The following NBAS variants were observed in gnomAD, a reference collection of about 807,000 sequenced individuals.
NBAS encodes NBAS subunit of NRZ tethering complex, also known as NAG/BC035112 fusion.
In NBAS, 219 loss-of-function variants were observed where a neutral mutation model predicts 302.5. That is an observed-to-expected ratio of 0.72 (90% confidence interval 0.65 to 0.81). The LOEUF is 0.81. Ranked by LOEUF, NBAS falls within the 30% of genes least tolerant of loss-of-function variation. NBAS has a pLI of 0.00. For synonymous variants in NBAS, 1,118 were observed against 1,021.6 expected, an observed-to-expected ratio of 1.09 and a Z score of -1.80; for missense variants, 2,932 against 2,841.6, an observed-to-expected ratio of 1.03 and a Z score of -0.72.
At chr2:15,538,157 A>C (rs1394468445) in intron 7 of NBAS, among the ~76,000 whole-genome samples, 6 of 152,146 alleles carry the variant, frequency 3.9e-5, no homozygotes, top group Non-Finnish European at 8.8e-5. Context: ...CCTGTTTCTT[A>C]TTTTAGCTTC....
At chr2:15,494,710 T>C (rs977694489) in intron 11 of NBAS, among the ~76,000 whole-genome samples, 2 of 152,152 alleles carry the variant, frequency 1.3e-5, no homozygotes, top group African/African-American at 2.4e-5. Flanking sequence ...TAAAGAGTGA[T>C]GTTCCCAAAA....
chr2:14,980,281 C>T, the NBAS span, among the ~76,000 whole-genome samples: 1 of 152,240 alleles, frequency 6.6e-6, no homozygotes. Flanking sequence ...CCATGCAACT[C>T]CCACGAGAAA....
chr2:14,860,281 C>T, the NBAS span, among the ~76,000 whole-genome samples: 1 of 152,084 alleles, frequency 6.6e-6, no homozygotes, highest in African/African-American at 2.4e-5. Flanking sequence ...GGTGTTTCCT[C>T]AAAACCCTAA....
chr2:15,235,304 T>C (rs1245539273), intron 45 of NBAS, among the ~76,000 whole-genome samples: 2 of 152,208 alleles, frequency 1.3e-5, no homozygotes, highest in African/African-American at 2.4e-5. Context: ...CAAAGTCACA[T>C]GGCTACCAAT....
chr2:14,955,043 C>T, the NBAS span, among the ~76,000 whole-genome samples: 1 of 152,112 alleles, frequency 6.6e-6, no homozygotes, highest in Admixed American at 6.5e-5. Context: ...CACCTATGAA[C>T]CTGTAAAATC....
At chr2:14,845,493 G>C in the NBAS span, among the ~76,000 whole-genome samples, 3 of 152,276 alleles carry the variant, frequency 2.0e-5, no homozygotes, top group Non-Finnish European at 4.4e-5. Context: ...TCGATTTCAA[G>C]ACAGAGATGA....
chr2:14,870,262 G>C, the NBAS span, among the ~76,000 whole-genome samples: 177 of 152,280 alleles, frequency 1.2e-3, no homozygotes, highest in African/African-American at 4.2e-3. Context: ...CCACAGGACA[G>C]TGTACTCAAA....
intron 48 of NBAS, among the ~76,000 whole-genome samples, chr2:15,214,171 G>C (rs905159243): frequency 1.3e-5 from 2 of 152,228 alleles, no homozygotes; most frequent in South Asian, 4.1e-4. Context: ...GCCATTTTAA[G>C]GGTGACCTTG....
the NBAS span, among the ~76,000 whole-genome samples, chr2:14,897,071 T>C: frequency 7.0e-6 from 1 of 142,530 alleles, no homozygotes; most frequent in East Asian, 2.0e-4. Flanking sequence ...CTCTTTTTTT[T>C]TTTTTCCATC....
At chr2:14,918,031 G>A in the NBAS span, among the ~76,000 whole-genome samples, 1 of 152,216 alleles carries the variant, frequency 6.6e-6, no homozygotes, top group South Asian at 2.1e-4. Flanking sequence ...CCAAGTTCCA[G>A]CCCCTTCCTT....
At chr2:14,877,705 G>C in the NBAS span, among the ~76,000 whole-genome samples, 1 of 152,024 alleles carries the variant, frequency 6.6e-6, no homozygotes, top group Admixed American at 6.6e-5. Context: ...TTACTAACTA[G>C]AGCCTGACTT....
rs554620204 is a variant in NBAS at position 15,274,406 on chromosome 2, G to A, written c.5724+1078C>T. 4.1e-4 allele frequency among the ~76,000 whole-genome samples: 62 copies of A among 152,266 alleles called. 1 individual carries two copies. Among genetic ancestry groups the A allele is most frequent in the Admixed American group, 1.2e-3 (19 of 15,296 alleles). On this transcript the variant is annotated intron_variant, in intron 44 of 51. Coordinates refer to ENST00000281513, the MANE Select transcript of NBAS (RefSeq NM_015909.4). ...ACTGGGCAGACCTGGTGACTTGCAC[G>A]GAAGGAGAAGGCAACAGCAAAGATG...
intron 38 of NBAS, among the ~76,000 whole-genome samples, chr2:15,311,767 T>C (rs1671287511): frequency 6.6e-6 from 1 of 152,052 alleles, no homozygotes. Flanking sequence ...TTTCCTCAAC[T>C]TACAAGAGAG....
chr2:14,994,989 G>T, the NBAS span, among the ~76,000 whole-genome samples: 1 of 152,044 alleles, frequency 6.6e-6, no homozygotes, highest in African/African-American at 2.4e-5. Context: ...TGTCAAAAAG[G>T]TATTCCAGTT....
intron 44 of NBAS, among the ~76,000 whole-genome samples, chr2:15,273,735 T>C (rs1485066699): frequency 6.6e-6 from 1 of 152,118 alleles, no homozygotes; most frequent in African/African-American, 2.4e-5. Context: ...GGTTTATATG[T>C]CTCCAAACAC....
the NBAS span, among the ~76,000 whole-genome samples, chr2:14,837,956 T>C: frequency 6.6e-6 from 1 of 151,898 alleles, no homozygotes; most frequent in Non-Finnish European, 1.5e-5. Flanking sequence ...TCACCTTCAT[T>C]CTTAAAGAAT....
At chr2:15,473,584 A>C (rs532945961) in intron 15 of NBAS, among the ~76,000 whole-genome samples, 1 of 152,210 alleles carries the variant, frequency 6.6e-6, no homozygotes, top group Non-Finnish European at 1.5e-5. Context: ...TTTTAGAGTA[A>C]AACAGCGGCA....
chr2:15,540,239 G>T (rs1663742179), intron 6 of NBAS, among the ~76,000 whole-genome samples: 1 of 152,032 alleles, frequency 6.6e-6, no homozygotes, highest in Non-Finnish European at 1.5e-5. Flanking sequence ...GTCAAGAGTA[G>T]AACAAAACCC....
At chr2:15,440,975 G>A (rs1271505790) in intron 21 of NBAS, among the ~76,000 whole-genome samples, 5 of 152,024 alleles carry the variant, frequency 3.3e-5, no homozygotes, top group Non-Finnish European at 7.4e-5. Context: ...AAAAAGAAAC[G>A]AACAAAGCCT....
Sources: allele counts gnomAD v4.1 joint callset (sites outside exome capture counted in the v4.1 genomes callset), GRCh38; gene constraint gnomAD v4.1.1; transcripts MANE v1.5; gene names NCBI Gene and HGNC (gene_info 2026-07-23, HGNC 2026-07-21).